The following ZNF544 variants were observed in gnomAD, a reference collection of about 807,000 sequenced individuals.
The protein encoded by ZNF544 is zinc finger protein 544.
A neutral mutation model predicts 13.5 loss-of-function variants in ZNF544; 10 were observed. The observed-to-expected ratio is 0.74, with a 90% CI of 0.46 to 1.25. The LOEUF is 1.25. Ranked by LOEUF, ZNF544 falls within the 50% of genes most tolerant of loss-of-function variation. ZNF544 has a pLI of 0.00. For missense variants in ZNF544, 896 were observed against 845.6 expected, an observed-to-expected ratio of 1.06 and a Z score of -0.74; for synonymous variants, 323 against 300.5, an observed-to-expected ratio of 1.07 and a Z score of -0.77.
intron 3 of ZNF544, among the ~76,000 whole-genome samples, chr19:58,241,179 A>ATTTTTTTTTTT (rs57421577): frequency 1.4e-5 from 1 of 72,764 alleles, no homozygotes; most frequent in African/African-American, 5.9e-5. Context: ...ATATATATAT[A>ATTTTTTTTTTT]TTTTTTTTTT....
chr19:58,252,888 C>T (rs533018720), intron 6 of ZNF544, among the ~76,000 whole-genome samples: 6 of 152,298 alleles, frequency 3.9e-5, no homozygotes, highest in Admixed American at 2.6e-4. Flanking sequence ...GGCACAATCT[C>T]GGCTCACTGC....
intron 3 of ZNF544, among the ~76,000 whole-genome samples, chr19:58,241,162 A>ATT: frequency 2.2e-5 from 2 of 89,310 alleles, no homozygotes; most frequent in Non-Finnish European, 4.0e-5. Flanking sequence ...TATATATTTA[A>ATT]ATATATATAT....
At position 58,260,902 on chromosome 19, in the gene ZNF544, C is replaced by G; in HGVS notation, c.296C>G (p.Ala99Gly). The G allele has an allele frequency of 6.2e-7, 1 of 1,612,532 alleles. No homozygotes were observed. Among genetic ancestry groups the G allele is most frequent in the African/African-American group, 1.3e-5 (1 of 74,848 alleles). The change falls in exon 7 of 7, where the codon GCT becomes GGT. Residue 99 changes from alanine (A) to glycine (G), a missense_variant. By Grantham distance (60) the Ala-to-Gly change is moderately conservative. Coordinates refer to ENST00000687789, the MANE Select transcript of ZNF544 (RefSeq NM_014480.4). The stretch of plus-strand genomic sequence containing the variant: ...AGGTTGAATTCTGAAAAAGATCGAG[C>G]TAGGGAAGAACTATCCCACCACGTG... ...ENRLNSEKDR[A>G]REELSHHVEV...
At chr19:58,269,708 G>T (rs1358819236) in intron 5 of ZNF544, among the ~76,000 whole-genome samples, 2 of 151,970 alleles carry the variant, frequency 1.3e-5, no homozygotes, top group Non-Finnish European at 2.9e-5. Flanking sequence ...ATCACTCTAG[G>T]TTAGGAGTTT....
chr19:58,249,197 C>T (rs181488167), intron 6 of ZNF544, among the ~76,000 whole-genome samples: 68 of 152,236 alleles, frequency 4.5e-4, no homozygotes, highest in African/African-American at 1.5e-3. Flanking sequence ...GCCTCCATAC[C>T]CTGTTCTCAT....
intron 6 of ZNF544, among the ~76,000 whole-genome samples, chr19:58,255,287 T>G (rs534908307): frequency 6.3e-4 from 96 of 152,270 alleles, no homozygotes; most frequent in African/African-American, 2.2e-3. Flanking sequence ...GCAGTTCTCC[T>G]GCCTCAGCCT....
downstream of ZNF544, chr19:58,264,012 G>A (rs776538288): frequency 8.6e-5 from 13 of 151,270 alleles, no homozygotes; most frequent in East Asian, 2.0e-4. Context: ...GGAGAATGGC[G>A]CGAACATGGG....
At chr19:58,277,351 C>A in exon 7 of ZNF544, 1 of 933,306 alleles carries the variant, frequency 1.1e-6, no homozygotes, top group Non-Finnish European at 1.4e-6. Context: ...TTCACCCCTT[C>A]AACACGGTGT....
At position 58,260,658 on chromosome 19, in the gene ZNF544, G is replaced by A; in HGVS notation, c.245-193G>A. 7.4e-6 allele frequency: 4 copies of A among 543,672 alleles called. No individual in the cohort carries two copies. In the South Asian group the frequency reaches 1.1e-4, roughly 15 times the overall value. 33.7% of individuals were successfully genotyped at this position (543,672 alleles called of 1,614,324 possible). A position where few individuals can be genotyped will look rare whatever the true frequency, so the allele number is the denominator to read the frequency against. On this transcript the variant is annotated intron_variant, in intron 6 of 6. Transcript: ENST00000687789. Reference sequence around the variant, plus strand: ...AGTCACTTCTTTATTATGTTTGCTTGTATTTTGCACTTTACCACTGATACC... The same window carrying A: ...AGTCACTTCTTTATTATGTTTGCTTATATTTTGCACTTTACCACTGATACC...
intron 3 of ZNF544, among the ~76,000 whole-genome samples, chr19:58,237,917 C>T (rs557043584): frequency 8.5e-5 from 13 of 152,332 alleles, no homozygotes; most frequent in South Asian, 2.1e-4. Context: ...ATGAGACTGA[C>T]AGACGTCACA....
chr19:58,261,939 T>C lies in ZNF544; in HGVS notation c.1333T>C (p.Phe445Leu). Residue 445 changes from phenylalanine (F) to leucine (L), a missense_variant, in exon 7 of 7, where the codon TTC becomes CTC. Phe to Leu is a conservative substitution (Grantham distance 22). Transcript: ENST00000687789. ...PYQCIECRKS[F>L]RWNSNLIVHQ... ...TCAGTGTATTGAATGCAGAAAATCC[T>C]TCAGGTGGAACTCTAACCTCATTGT... 6.2e-7 allele frequency: 1 copy of C among 1,613,268 alleles called. No individual in the cohort carries two copies. Among genetic ancestry groups the C allele is most frequent in the Middle Eastern group, 1.7e-4 (1 of 6,056 alleles).
Position 58,262,553 on chromosome 19 carries a change from G to C in ZNF544, c.1947G>C (p.Met649Ile), listed in dbSNP as rs377082552. Reference protein sequence around the residue: ...KAFARSSYLVMHQRTHTGEKP... With the variant: ...KAFARSSYLVIHQRTHTGEKP... The stretch of plus-strand genomic sequence containing the variant: ...TTGCAAGGAGCTCCTACCTTGTGAT[G>C]CATCAGAGAACTCACACTGGTGAGA... Residue 649 changes from methionine to isoleucine, a missense_variant, in exon 7 of 7, where the codon ATG becomes ATC. Physicochemically the swap from Met to Ile is conservative, Grantham distance 10. Coordinates refer to ENST00000687789, the MANE Select transcript of ZNF544 (RefSeq NM_014480.4). 7 of 1,614,158 alleles carry C rather than the reference G, an allele frequency of 4.3e-6. No individual in the cohort carries two copies. Among genetic ancestry groups the C allele is most frequent in the Non-Finnish European group, 5.9e-6 (7 of 1,180,014 alleles).
chr19:58,267,975 C>T (rs984294318), downstream of ZNF544, among the ~76,000 whole-genome samples: 2 of 150,090 alleles, frequency 1.3e-5, no homozygotes, highest in African/African-American at 2.5e-5. Context: ...AGCGAGACTG[C>T]GTTTCAAAAA....
exon 7 of ZNF544, chr19:58,277,332 G>C: frequency 9.0e-7 from 1 of 1,116,758 alleles, no homozygotes; most frequent in Non-Finnish European, 1.1e-6. Flanking sequence ...CGTCCCCACT[G>C]GTAACGTCTT....
chr19:58,250,223 A>G (rs2046076141), intron 6 of ZNF544, among the ~76,000 whole-genome samples: 1 of 152,216 alleles, frequency 6.6e-6, no homozygotes, highest in Non-Finnish European at 1.5e-5. Context: ...GTCCCTATGA[A>G]GGTGGCCCCA....
At chr19:58,258,701 GGAAACATCCTCTCA>G in intron 6 of ZNF544, 1 of 153,416 alleles carries the variant, frequency 6.5e-6, no homozygotes. Context: ...TTGAGAGGAG[GGAAACATCCTCTCA>G]GAAGTCAAGG....
At chr19:58,241,162 A>ATATATATATATATATATTTAAATATAT (rs1568460699) in intron 3 of ZNF544, among the ~76,000 whole-genome samples, 1 of 89,326 alleles carries the variant, frequency 1.1e-5, no homozygotes, top group African/African-American at 5.1e-5. Flanking sequence ...TATATATTTA[A>ATATATATATATATATATTTAAATATAT]ATATATATAT....
intron 3 of ZNF544, among the ~76,000 whole-genome samples, chr19:58,237,514 C>T (rs764523511): frequency 2.0e-5 from 3 of 152,234 alleles, no homozygotes; most frequent in Non-Finnish European, 4.4e-5. Flanking sequence ...TAGGCACAGC[C>T]TGGCCTGGAG....
chr19:58,251,547 G>C (rs1297797542), intron 6 of ZNF544, among the ~76,000 whole-genome samples: 1 of 152,198 alleles, frequency 6.6e-6, no homozygotes, highest in African/African-American at 2.4e-5. Context: ...CTGTTGGCCT[G>C]ATTTTGGGTT....
Sources: allele counts gnomAD v4.1 joint callset (sites outside exome capture counted in the v4.1 genomes callset), GRCh38; gene constraint gnomAD v4.1.1; transcripts MANE v1.5; gene names NCBI Gene and HGNC (gene_info 2026-07-23, HGNC 2026-07-21).